UGGT1: variants seen among roughly 807,000 people sequenced by gnomAD.
UGGT1 encodes UDP-glucose:glycoprotein glucosyltransferase 1.
Under a neutral mutation model 203.9 loss-of-function variants are expected in UGGT1, and 107 were observed. The observed-to-expected ratio is 0.52, with a 90% CI of 0.45 to 0.62. UGGT1 has a LOEUF of 0.62. Among genes scored for constraint, UGGT1 ranks in the 20% least tolerant of loss-of-function variants. The pLI, the probability that UGGT1 is intolerant of heterozygous loss-of-function variation, is 0.00. For missense variants in UGGT1, 1,673 were observed against 1,867.2 expected, an observed-to-expected ratio of 0.90 and a Z score of 1.92; for synonymous variants, 628 against 653.5, an observed-to-expected ratio of 0.96 and a Z score of 0.59.
intron 26 of UGGT1, 33 bp from the exon 27 acceptor site, chr2:128,170,255 C>G (rs747032091): frequency 1.7e-5 from 27 of 1,598,374 alleles, no homozygotes; most frequent in Non-Finnish European, 2.2e-5. Flanking sequence ...CCTGTGTCCT[C>G]CAGGTTAATG....
In UGGT1 at chr2:128,121,289, C is replaced by T. The variant is rs1688368227; in HGVS notation, c.1064C>T (p.Thr355Ile). 6.2e-7 allele frequency: 1 copy of T among 1,609,656 alleles called. No individual in the cohort carries two copies. The highest frequency in any genetic ancestry group is 8.5e-7 in the Non-Finnish European group (1 of 1,178,312). The change falls in exon 10 of 41, where the codon ACC (threonine) becomes ATC (isoleucine). Residue 355 changes from threonine (T) to isoleucine (I), a missense_variant. Physicochemically the swap from Thr to Ile is moderately conservative, Grantham distance 89. Transcript: ENST00000259253. ...VMKDLSQNFP[T>I]KARAITKTAV... ...AAGGATCTTAGTCAGAATTTTCCTA[C>T]CAAAGCCAGGTAATGTAGAATAATG...
chr2:128,103,261 G>C (rs7355336), intron 2 of UGGT1: 1 of 304,554 alleles, frequency 3.3e-6, no homozygotes, highest in Non-Finnish European at 6.8e-6. Flanking sequence ...CAATTACTAC[G>C]TGCATTTCCT....
At chr2:128,126,098 C>T (rs1242777675) in intron 11 of UGGT1, among the ~76,000 whole-genome samples, 3 of 151,838 alleles carry the variant, frequency 2.0e-5, no homozygotes, top group Admixed American at 6.6e-5. Flanking sequence ...CGTGCCACCA[C>T]GCCCAGCTAA....
intron 2 of UGGT1, among the ~76,000 whole-genome samples, chr2:128,100,437 G>A (rs953321005): frequency 2.0e-5 from 3 of 150,990 alleles, no homozygotes; most frequent in Admixed American, 1.3e-4. Context: ...ATGGAGTTTC[G>A]CTCTTGTTGC....
chr2:128,129,789 C>T (rs1688788199), intron 13 of UGGT1, among the ~76,000 whole-genome samples: 1 of 152,178 alleles, frequency 6.6e-6, no homozygotes, highest in Non-Finnish European at 1.5e-5. Flanking sequence ...TTCTCAATTG[C>T]ATACAGATCT....
chr2:128,182,698 C>CA (rs70988612), intron 37 of UGGT1, among the ~76,000 whole-genome samples: 73,169 of 118,366 alleles, frequency 0.62, 21,953 homozygotes, highest in East Asian at 0.72. Flanking sequence ...GATTCCATCT[C>CA]AAAAAAAAAA....
In UGGT1 at chr2:128,164,772, G is replaced by A. The variant is rs759308814; in HGVS notation, c.2868G>A (p.Ala956=). The stretch of plus-strand genomic sequence containing the variant: ...TGAAGGTGGATGCTCTTCTGTCAGC[G>A]CAACCAAAAGGAGATCCAAGAATCG... The part of the protein sequence containing the change: ...LVMKVDALLS[A]QPKGDPRIEY... The change falls in exon 26 of 41, where the codon GCG becomes GCA. Residue 956 remains alanine, a synonymous_variant. Transcript: ENST00000259253. The A allele has an allele frequency of 1.6e-5, 26 of 1,612,982 alleles. No homozygotes were observed. In the East Asian group the frequency reaches 1.8e-4, roughly 11 times the overall value.
intron 26 of UGGT1, among the ~76,000 whole-genome samples, chr2:128,165,577 A>T (rs953828636): frequency 1.1e-4 from 17 of 152,220 alleles, no homozygotes; most frequent in African/African-American, 4.1e-4. Flanking sequence ...GATGCCTGTA[A>T]TACCAGCTAC....
Position 128,127,458 on chromosome 2 carries a change from G to C in UGGT1, c.1226+6G>C. 1 of 1,599,494 alleles carries C rather than the reference G, an allele frequency of 6.3e-7. No homozygotes were observed. The highest frequency in any genetic ancestry group is 8.6e-7 in the Non-Finnish European group (1 of 1,168,946). The stretch of plus-strand genomic sequence containing the variant: ...GATACACAGGATATATTCAGGTATG[G>C]ATAATATTTTTCATTCTCTGAAAAG... On this transcript the variant is annotated splice_donor_region_variant and intron_variant, in intron 12 of 40. Coordinates refer to ENST00000259253, the MANE Select transcript of UGGT1 (RefSeq NM_020120.4).
intron 35 of UGGT1, among the ~76,000 whole-genome samples, chr2:128,180,104 A>C (rs559995759): frequency 6.6e-6 from 1 of 152,188 alleles, no homozygotes; most frequent in Admixed American, 6.5e-5. Context: ...TGTTGTTGTT[A>C]TTATTAGCAG....
At chr2:128,127,002 C>T (rs899998675) in intron 11 of UGGT1, among the ~76,000 whole-genome samples, 2 of 151,938 alleles carry the variant, frequency 1.3e-5, no homozygotes, top group Non-Finnish European at 2.9e-5. Context: ...CTTTTTTTAT[C>T]GTCTGATGGT....
At chr2:128,127,032 A>G (rs961534772) in intron 11 of UGGT1, among the ~76,000 whole-genome samples, 18 of 152,092 alleles carry the variant, frequency 1.2e-4, no homozygotes, top group Non-Finnish European at 1.5e-4. Context: ...TCAGCCAGCG[A>G]GTGAGTAGAT....
intron 1 of UGGT1, among the ~76,000 whole-genome samples, chr2:128,095,796 G>T (rs1233319481): frequency 6.6e-6 from 1 of 152,174 alleles, no homozygotes; most frequent in Non-Finnish European, 1.5e-5. Flanking sequence ...TATGAAGCAG[G>T]ATGTTAACAC....
intron 25 of UGGT1, among the ~76,000 whole-genome samples, chr2:128,163,706 T>TC (rs1318020404): frequency 1.5e-5 from 2 of 137,384 alleles, no homozygotes; most frequent in East Asian, 2.1e-4. Flanking sequence ...AGAGTGAGAC[T>TC]CCGTCTCAAA....
At chr2:128,164,477 T>G (rs1361437122) in intron 25 of UGGT1, among the ~76,000 whole-genome samples, 1 of 152,216 alleles carries the variant, frequency 6.6e-6, no homozygotes, top group Non-Finnish European at 1.5e-5. Flanking sequence ...CTCAGCTAGG[T>G]GCATTGCAGA....
intron 27 of UGGT1, 98 bp downstream of exon 27, chr2:128,170,488 A>G (rs531820815): frequency 5.1e-6 from 5 of 976,568 alleles, no homozygotes; most frequent in South Asian, 4.2e-5. Flanking sequence ...GTTGCCTTCA[A>G]CAGGCACTGG....
chr2:128,188,007 T>C (rs1374318041), intron 40 of UGGT1, among the ~76,000 whole-genome samples: 4 of 148,894 alleles, frequency 2.7e-5, no homozygotes, highest in East Asian at 3.9e-4. Flanking sequence ...AACACAAATA[T>C]GTAGTTGAAG....
chr2:128,183,865 T>C (rs1285011737), intron 38 of UGGT1, 76 bp downstream of exon 38: 2 of 1,136,404 alleles, frequency 1.8e-6, no homozygotes, highest in African/African-American at 1.5e-5. Context: ...GTATTACTTG[T>C]GTCTTCAGTC....
chr2:128,179,738 T>A, intron 34 of UGGT1, 48 bp from the exon 35 acceptor site: 2 of 1,506,898 alleles, frequency 1.3e-6, no homozygotes, highest in South Asian at 2.3e-5. Flanking sequence ...ATGTTGAGGT[T>A]AAATAACATT....
Sources: gnomAD v4.1 joint callset for allele counts (sites outside exome capture counted in the v4.1 genomes callset) on GRCh38, gnomAD v4.1.1 for gene constraint, MANE v1.5 for transcripts, NCBI Gene and HGNC (gene_info 2026-07-23, HGNC 2026-07-21) for gene names.